IPO11: variants seen among roughly 807,000 people sequenced by gnomAD.
IPO11 encodes importin-11.
Under a neutral mutation model 143.2 loss-of-function variants are expected in IPO11, and 66 were observed. The observed-to-expected ratio is 0.46, with a 90% CI of 0.38 to 0.57. The LOEUF (loss-of-function observed/expected upper bound fraction) is 0.57, where lower values mean the gene tolerates loss of function less well. IPO11 is among the 20% of genes least tolerant of loss of function. The pLI is 0.00. For synonymous variants in IPO11, 385 were observed against 377.8 expected (o/e 1.02, Z -0.22); for missense variants, 1,026 against 1,141.0 (o/e 0.90, Z 1.45).
At chr5:62,478,549 T>C (rs893264877) in intron 9 of IPO11, among the ~76,000 whole-genome samples, 3 of 152,246 alleles carry the variant, frequency 2.0e-5, no homozygotes, top group Non-Finnish European at 4.4e-5. Flanking sequence ...TTTAAATATC[T>C]AGTCAGATTT....
At chr5:62,477,331 A>G (rs1483307888) in intron 9 of IPO11, among the ~76,000 whole-genome samples, 1 of 152,236 alleles carries the variant, frequency 6.6e-6, no homozygotes, top group African/African-American at 2.4e-5. Context: ...GCACTAAAAT[A>G]GGTACTTGAA....
intron 27 of IPO11, among the ~76,000 whole-genome samples, chr5:62,574,055 A>G (rs557676767): frequency 1.3e-5 from 2 of 152,322 alleles, no homozygotes; most frequent in South Asian, 2.1e-4. Flanking sequence ...CTTTCTAACT[A>G]TAGCTATTTG....
chr5:62,542,211 A>G (rs569864636), intron 24 of IPO11, among the ~76,000 whole-genome samples: 4 of 152,224 alleles, frequency 2.6e-5, no homozygotes, highest in Non-Finnish European at 4.4e-5. Context: ...TGTGTTTAAG[A>G]TGGTATTTTT....
intron 28 of IPO11, among the ~76,000 whole-genome samples, chr5:62,593,493 TAAC>T (rs759537448): frequency 3.9e-5 from 6 of 151,952 alleles, no homozygotes; most frequent in Middle Eastern, 6.8e-3. Flanking sequence ...CTACTAAAAA[TAAC>T]AACAACAACA....
chr5:62,513,596 G>A (rs1270441512), intron 19 of IPO11, among the ~76,000 whole-genome samples: 1 of 140,968 alleles, frequency 7.1e-6, no homozygotes, highest in East Asian at 2.2e-4. Flanking sequence ...ACGGGCTCCT[G>A]GCTGGGCAGA....
intron 7 of IPO11, among the ~76,000 whole-genome samples, chr5:62,470,725 A>T (rs1240376869): frequency 6.6e-6 from 1 of 151,638 alleles, no homozygotes; most frequent in African/African-American, 2.4e-5. Flanking sequence ...GTTCACAATC[A>T]ATTAAAAAAA....
At chr5:62,567,072 G>A (rs1245322128) in intron 27 of IPO11, among the ~76,000 whole-genome samples, 3 of 152,138 alleles carry the variant, frequency 2.0e-5, no homozygotes, top group Non-Finnish European at 4.4e-5. Context: ...CTTTAAGATT[G>A]ATGAATTCCT....
At chr5:62,579,653 T>C (rs1744464212) in intron 27 of IPO11, 1 of 1,546,344 alleles carries the variant, frequency 6.5e-7, no homozygotes, top group African/African-American at 1.4e-5. Flanking sequence ...GGGAATAATA[T>C]ATCTTATATA....
chr5:62,614,553 CGACAGGGGTGT>C (rs914460923), intron 29 of IPO11, among the ~76,000 whole-genome samples: 10 of 152,264 alleles, frequency 6.6e-5, no homozygotes, highest in African/African-American at 1.9e-4. Context: ...GCAGGATATG[CGACAGGGGTGT>C]GACTCATCCA....
intron 1 of IPO11, among the ~76,000 whole-genome samples, chr5:62,435,189 T>TGTGTATATATATGTATATATAC (rs1744166756): frequency 9.5e-6 from 1 of 104,974 alleles, no homozygotes; most frequent in Non-Finnish European, 1.9e-5. Flanking sequence ...TGTATATATA[T>TGTGTATATATATGTATATATAC]GTATATATAT....
chr5:62,499,306 G>A (rs1182582450), intron 16 of IPO11, among the ~76,000 whole-genome samples: 2 of 152,162 alleles, frequency 1.3e-5, no homozygotes, highest in Non-Finnish European at 2.9e-5. Flanking sequence ...AAGTATTTGT[G>A]TGTCTAAACA....
At chr5:62,607,330 A>G (rs544366723) in intron 29 of IPO11, among the ~76,000 whole-genome samples, 4 of 152,164 alleles carry the variant, frequency 2.6e-5, no homozygotes, top group Admixed American at 6.5e-5. Context: ...CTTTATTCCA[A>G]ATATAATGTC....
chr5:62,460,899 A>G (rs1745337920), intron 5 of IPO11, among the ~76,000 whole-genome samples: 1 of 152,100 alleles, frequency 6.6e-6, no homozygotes, highest in African/African-American at 2.4e-5. Flanking sequence ...GCCTTCTGTA[A>G]GCATGTATCA....
At chr5:62,544,199 C>G (rs35001658) in intron 24 of IPO11, among the ~76,000 whole-genome samples, 1 of 151,976 alleles carries the variant, frequency 6.6e-6, no homozygotes, top group Non-Finnish European at 1.5e-5. Context: ...ATGCAAAAAT[C>G]CTCAATAAAA....
intron 1 of IPO11, among the ~76,000 whole-genome samples, chr5:62,415,765 G>A (rs932020894): frequency 6.6e-6 from 1 of 152,058 alleles, no homozygotes; most frequent in African/African-American, 2.4e-5. Flanking sequence ...ACCACGCCCG[G>A]CCCCCTCTTT....
rs1745376654 is a variant in IPO11, at chr5:62,598,565, T to TAG, written c.2679-3198_2679-3197insGA. On this transcript the variant is annotated intron_variant, in intron 28 of 29. Transcript: ENST00000325324. ...CTTTCTTTTCTTTCTTTTTTTTTTT[T>TAG]ATGGAGTCTTGCCCTGTTGCCCAGC... Among the ~76,000 whole-genome samples, 108 of 40,846 alleles carry TAG rather than the reference T, an allele frequency of 2.6e-3. 8 individuals carry two copies. The highest frequency in any genetic ancestry group is 4.5e-3 in the African/African-American group (38 of 8,420). The allele number at this position is 40,846 out of a possible 152,430, so 26.8% of individuals were successfully genotyped here. A position where few individuals can be genotyped will look rare whatever the true frequency, so the allele number is the denominator to read the frequency against.
chr5:62,491,666 GTTTTTTTTT>G lies in IPO11; in HGVS notation c.1463+1455_1463+1463del, dbSNP rs372842718. On this transcript the variant is annotated intron_variant, in intron 15 of 29. Coordinates refer to ENST00000325324, the MANE Select transcript of IPO11 (RefSeq NM_016338.5). ...TTGGGATATGTAAAAATATTAATAA[GTTTTTTTTT>G]TTTTTTTTGAGATGGAGTCTTGCTC... Among the ~76,000 whole-genome samples the G allele has an allele frequency of 2.9e-4, 41 of 140,040 alleles. 1 individual carries two copies. The highest frequency in any genetic ancestry group is 9.4e-5 in the Non-Finnish European group (6 of 63,900). 91.9% of individuals were successfully genotyped at this position (140,040 alleles called of 152,430 possible).
rs1464149341 is a variant in IPO11, at chr5:62,499,332, G to A, written c.1590+5208G>A. 2.6e-5 allele frequency among the ~76,000 whole-genome samples: 4 copies of A among 152,298 alleles called. No individual in the cohort carries two copies. The East Asian group carries it at 7.7e-4, about 29-fold the overall frequency. ...TGTCTAAACAGAAAAGGTACAGTAAGAATATAATATAAAAGATAAAAAACG... is the reference window on the plus strand; with the variant it reads ...TGTCTAAACAGAAAAGGTACAGTAAAAATATAATATAAAAGATAAAAAACG... On this transcript the variant is annotated intron_variant, in intron 16 of 29. Coordinates refer to ENST00000325324, the MANE Select transcript of IPO11 (RefSeq NM_016338.5).
chr5:62,478,094 A>G (rs1746029743), intron 9 of IPO11, among the ~76,000 whole-genome samples: 1 of 151,986 alleles, frequency 6.6e-6, no homozygotes. Flanking sequence ...TTTAAATCGA[A>G]TCCCAGATAT....
Sources: gnomAD v4.1 joint callset for allele counts (sites outside exome capture counted in the v4.1 genomes callset) on GRCh38, gnomAD v4.1.1 for gene constraint, MANE v1.5 for transcripts, NCBI Gene and HGNC (gene_info 2026-07-23, HGNC 2026-07-21) for gene names.